Variants in BABAM2 observed in about 807,000 individuals in gnomAD.
BABAM2 encodes the protein BRISC and BRCA1-A complex member 2.
In BABAM2, 31 loss-of-function variants were observed where a neutral mutation model predicts 54.7. The ratio of observed to expected loss-of-function variants is 0.57; its 90% confidence interval spans 0.43 to 0.77. BABAM2 has a LOEUF of 0.77. Ranked by LOEUF, BABAM2 falls within the 30% of genes least tolerant of loss-of-function variation. BABAM2 has a pLI of 0.00. For missense variants in BABAM2, 364 were observed against 455.8 expected, an observed-to-expected ratio of 0.80 and a Z score of 1.83; for synonymous variants, 167 against 162.9, an observed-to-expected ratio of 1.03 and a Z score of -0.19.
At chr2:27,986,344 A>G (rs1391624598) in intron 3 of BABAM2, among the ~76,000 whole-genome samples, 3 of 151,654 alleles carry the variant, frequency 2.0e-5, no homozygotes, top group African/African-American at 4.9e-5. Context: ...TCAGCTTTTA[A>G]TAGCAGGGTT....
At chr2:27,962,144 G>A (rs1048714742) in intron 3 of BABAM2, among the ~76,000 whole-genome samples, 1 of 149,922 alleles carries the variant, frequency 6.7e-6, no homozygotes, top group Non-Finnish European at 1.5e-5. Context: ...ATCTCACTCT[G>A]TGTCACCCAG....
chr2:28,029,939 A>G (rs1319330621), intron 5 of BABAM2, among the ~76,000 whole-genome samples: 2 of 152,328 alleles, frequency 1.3e-5, no homozygotes, highest in Middle Eastern at 6.8e-3. Flanking sequence ...CTATTAAATA[A>G]TCAACTTAAT....
intron 2 of BABAM2, among the ~76,000 whole-genome samples, chr2:27,895,466 T>C (rs1235332750): frequency 6.6e-6 from 1 of 152,222 alleles, no homozygotes; most frequent in African/African-American, 2.4e-5. Context: ...GTGAAAAATA[T>C]GTTTTTTTCC....
chr2:28,284,827 TTGTC>T (rs1189791901), intron 10 of BABAM2, among the ~76,000 whole-genome samples: 7 of 152,222 alleles, frequency 4.6e-5, no homozygotes, highest in African/African-American at 1.4e-4. Flanking sequence ...TCAGGTTTGT[TTGTC>T]TGTTTTAATT....
Position 28,198,279 on chromosome 2 carries a change from T to G in BABAM2, c.681-38923T>G, listed in dbSNP as rs572979367. ...CCCGGGTTCACGCCATTTTCCTGCCTCAGCCTCCCGAGTAGCTGAGATTAC... is the reference window on the plus strand; with the variant it reads ...CCCGGGTTCACGCCATTTTCCTGCCGCAGCCTCCCGAGTAGCTGAGATTAC... On this transcript the variant is annotated intron_variant, in intron 7 of 11. Coordinates refer to ENST00000379624, the MANE Select transcript of BABAM2 (RefSeq NM_199191.3). Among the ~76,000 whole-genome samples, 6 of 152,110 alleles carry G rather than the reference T, an allele frequency of 3.9e-5. No homozygotes were observed. In the East Asian group the frequency reaches 1.2e-3, roughly 29 times the overall value.
chr2:28,278,120 T>A lies in BABAM2; in HGVS notation c.935-20218T>A, dbSNP rs17006651. ...GGATAAGTGAGTTAAGGAAATAATG[T>A]GGAGATGAGACAGGAAAGAAATGCA... On this transcript the variant is annotated intron_variant, in intron 10 of 11. Transcript: ENST00000379624. 7.3e-3 allele frequency among the ~76,000 whole-genome samples: 1,116 copies of A among 152,296 alleles called. 10 individuals carry two copies. Among genetic ancestry groups the A allele is most frequent in the African/African-American group, 0.025 (1,058 of 41,556 alleles).
At chr2:28,261,922 A>G (rs888499645) in intron 10 of BABAM2, among the ~76,000 whole-genome samples, 5 of 152,180 alleles carry the variant, frequency 3.3e-5, no homozygotes, top group African/African-American at 1.2e-4. Flanking sequence ...ACTCAGGGAT[A>G]CCAGAATGAA....
chr2:28,186,318 A>C (rs763937844), intron 7 of BABAM2, among the ~76,000 whole-genome samples: 1 of 152,012 alleles, frequency 6.6e-6, no homozygotes, highest in Non-Finnish European at 1.5e-5. Context: ...CCTGTACCCC[A>C]CTCACTTCAC....
intron 10 of BABAM2, among the ~76,000 whole-genome samples, chr2:28,286,897 G>T (rs1409080318): frequency 6.6e-6 from 1 of 152,068 alleles, no homozygotes; most frequent in African/African-American, 2.4e-5. Context: ...TTGGATACAT[G>T]TTGTTTTCTC....
At chr2:28,076,792 C>A (rs6723040) in intron 6 of BABAM2, among the ~76,000 whole-genome samples, 2 of 151,980 alleles carry the variant, frequency 1.3e-5, no homozygotes, top group Admixed American at 1.3e-4. Flanking sequence ...TGTGAGCCAC[C>A]GCGCCCAGCC....
chr2:28,110,218 G>A (rs1172354862), intron 6 of BABAM2, among the ~76,000 whole-genome samples: 2 of 152,026 alleles, frequency 1.3e-5, no homozygotes, highest in Non-Finnish European at 2.9e-5. Context: ...TTGTAAGGCT[G>A]GATAATATTC....
At chr2:28,310,035 C>G (rs769938057) in intron 11 of BABAM2, 1 of 1,575,266 alleles carries the variant, frequency 6.3e-7, no homozygotes, top group Non-Finnish European at 8.7e-7. Flanking sequence ...ATCCTTGAAC[C>G]CTTTTGAAAA....
At chr2:28,229,485 A>G (rs1251267926) in intron 7 of BABAM2, among the ~76,000 whole-genome samples, 3 of 152,324 alleles carry the variant, frequency 2.0e-5, no homozygotes, top group Non-Finnish European at 2.9e-5. Context: ...TCATTTACCA[A>G]CTAAATTCCT....
intron 4 of BABAM2, among the ~76,000 whole-genome samples, chr2:27,996,945 C>T (rs971945207): frequency 6.6e-6 from 1 of 152,170 alleles, no homozygotes; most frequent in Non-Finnish European, 1.5e-5. Context: ...GCTACTTCGT[C>T]CCACCTGGAA....
chr2:28,080,399 GAGA>G (rs754783690), intron 6 of BABAM2, among the ~76,000 whole-genome samples: 1 of 152,172 alleles, frequency 6.6e-6, no homozygotes, highest in Admixed American at 6.5e-5. Context: ...GCATTGAAAA[GAGA>G]AGGAGAGAGA....
Position 27,983,942 on chromosome 2 carries a change from C to CTTTTTTTTTTTTTTTTTTTTT in BABAM2, c.206-4032_206-4031insTTTTTTTTTTTTTTTTTTTTT. Among the ~76,000 whole-genome samples, 19 of 31,154 alleles carry CTTTTTTTTTTTTTTTTTTTTT rather than the reference C, an allele frequency of 6.1e-4. 1 individual carries two copies. The highest frequency in any genetic ancestry group is 1.2e-3 in the Admixed American group (4 of 3,416). 20.4% of individuals were successfully genotyped at this position (31,154 alleles called of 152,430 possible). On this transcript the variant is annotated intron_variant, in intron 3 of 11. Coordinates refer to ENST00000379624, the MANE Select transcript of BABAM2 (RefSeq NM_199191.3). ...TTTCCAATGTAGATACATTTTGTAC[C>CTTTTTTTTTTTTTTTTTTTTT]TTTTTTTTTTTTTTTTTTTGCCAAA...
chr2:27,963,469 C>CAAAAAAAAAAAA (rs760525051), intron 3 of BABAM2, among the ~76,000 whole-genome samples: 65 of 54,264 alleles, frequency 1.2e-3, no homozygotes, highest in African/African-American at 1.4e-3. Context: ...GACTCTTTCT[C>CAAAAAAAAAAAA]AAAAAAAAAA....
chr2:27,946,673 G>A (rs1558609495), intron 3 of BABAM2, among the ~76,000 whole-genome samples: 1 of 151,916 alleles, frequency 6.6e-6, no homozygotes, highest in Non-Finnish European at 1.5e-5. Flanking sequence ...AGAGAGGAGA[G>A]AAGAGAGAGG....
chr2:28,000,773 A>G (rs904156083), intron 4 of BABAM2, among the ~76,000 whole-genome samples: 1 of 152,208 alleles, frequency 6.6e-6, no homozygotes, highest in Non-Finnish European at 1.5e-5. Flanking sequence ...TTACAGTCCA[A>G]TACTATGTTA....
Sources: allele counts gnomAD v4.1 joint callset (sites outside exome capture counted in the v4.1 genomes callset), GRCh38; gene constraint gnomAD v4.1.1; transcripts MANE v1.5; gene names NCBI Gene and HGNC (gene_info 2026-07-23, HGNC 2026-07-21).